Variants in ZC3H7A observed in about 807,000 individuals in gnomAD.
ZC3H7A encodes the protein zinc finger CCCH domain-containing protein 7A.
Under a neutral mutation model 125.5 loss-of-function variants are expected in ZC3H7A, and 44 were observed. The observed-to-expected ratio is 0.35, with a 90% CI of 0.28 to 0.45. The LOEUF is 0.45. ZC3H7A is among the 20% of genes least tolerant of loss of function. The probability of loss-of-function intolerance (pLI) is 1.00; values close to 1 mark genes in which losing one functional copy is unlikely to be tolerated. For missense variants in ZC3H7A, 977 were observed against 1,170.7 expected (o/e 0.83, Z 2.41); for synonymous variants, 399 against 391.2 (o/e 1.02, Z -0.23).
chr16:11,776,781 A>G lies in ZC3H7A; in HGVS notation c.435T>C (p.Ala145=), dbSNP rs1275694625. 4 of 1,612,124 alleles carry G rather than the reference A, an allele frequency of 2.5e-6. No individual in the cohort carries two copies. The highest frequency in any genetic ancestry group is 2.5e-6 in the Non-Finnish European group (3 of 1,179,420). The change falls in exon 5 of 23, where the codon GCT becomes GCC. Residue 145 remains alanine (A), a synonymous_variant. Coordinates refer to ENST00000355758, the MANE Select transcript of ZC3H7A (RefSeq NM_014153.4). ...DLGRYKKAYD[A]VAKCSLAVPQ... is the part of the protein sequence containing the mutation. ...GCACTGCTAAGGAGCACTTTGCTAC[A>G]GCATCGTAAGCCTTTTTGTATCTTC...
Position 11,769,034 on chromosome 16 carries a change from TA to T in ZC3H7A, c.1169del (p.Leu390TyrfsTer3). On this transcript the variant is annotated frameshift_variant, in exon 11 of 23. Transcript: ENST00000355758. LOFTEE classifies it high-confidence loss of function. ...CAAAAGAGGAAGTGGCACTTACAAGTAAAAGGGAAGAATTACTGTTGTTAAG... is the reference window on the plus strand; with the variant it reads ...CAAAAGAGGAAGTGGCACTTACAAGTAAAGGGAAGAATTACTGTTGTTAAG... ...TPLNNSNSSL[L>X]LMNGPGSLFA... 1 of 1,607,156 alleles carries T rather than the reference TA, an allele frequency of 6.2e-7. No homozygotes were observed. The highest frequency in any genetic ancestry group is 8.5e-7 in the Non-Finnish European group (1 of 1,177,602).
At chr16:11,778,084 C>G (rs754199292) in intron 4 of ZC3H7A, among the ~76,000 whole-genome samples, 24 of 151,028 alleles carry the variant, frequency 1.6e-4, no homozygotes, top group Non-Finnish European at 2.2e-4. Context: ...AGCTTTTAAG[C>G]TTAAAAATGT....
chr16:11,766,951 T>A (rs1490854148), intron 13 of ZC3H7A, among the ~76,000 whole-genome samples: 1 of 152,318 alleles, frequency 6.6e-6, no homozygotes, highest in East Asian at 1.9e-4. Flanking sequence ...TCCAAGGAAC[T>A]TGCTATTAGC....
intron 16 of ZC3H7A, chr16:11,763,160 C>A: frequency 4.1e-6 from 1 of 245,008 alleles, no homozygotes; most frequent in Non-Finnish European, 7.8e-6. Context: ...CAGACTGGAG[C>A]GTAGTGTTGT....
intron 11 of ZC3H7A, among the ~76,000 whole-genome samples, chr16:11,768,812 C>G (rs2052915720): frequency 6.6e-6 from 1 of 152,124 alleles, no homozygotes; most frequent in African/African-American, 2.4e-5. Flanking sequence ...GCTAAAGCCT[C>G]TTACATTGTC....
Position 11,780,588 on chromosome 16 carries a change from A to G in ZC3H7A, c.108+837T>C, listed in dbSNP as rs1465596156. ...CTATTAACAAAACTCGTGACATGCC[A>G]CTTAACATCTTTAGACCCCAGGTCC... On this transcript the variant is annotated intron_variant, in intron 3 of 22. Transcript: ENST00000355758. Among the ~76,000 whole-genome samples, 3 of 152,218 alleles carry G rather than the reference A, an allele frequency of 2.0e-5. No individual in the cohort carries two copies. In the East Asian group the frequency reaches 5.8e-4, roughly 29 times the overall value.
rs1297202349 is a variant in ZC3H7A at position 11,773,372 on chromosome 16, T to G, written c.903+864A>C. Among the ~76,000 whole-genome samples, 8 of 151,934 alleles carry G rather than the reference T, an allele frequency of 5.3e-5. 1 individual carries two copies. Among genetic ancestry groups the G allele is most frequent in the African/African-American group, 1.9e-4 (8 of 41,180 alleles). ...TTTAATTTTTTGTAGAGATGTGCCC[T>G]TGCTATGGTTACCCAGGCTAGTTTC... On this transcript the variant is annotated intron_variant, in intron 9 of 22. Transcript: ENST00000355758.
At chr16:11,754,223 T>C (rs1597529342) in intron 21 of ZC3H7A, among the ~76,000 whole-genome samples, 1 of 138,310 alleles carries the variant, frequency 7.2e-6, no homozygotes, top group Non-Finnish European at 1.5e-5. Context: ...GCCCAGGAGG[T>C]AGTGGCTGCA....
intron 21 of ZC3H7A, chr16:11,753,128 G>A (rs1404598810): frequency 6.2e-6 from 2 of 320,196 alleles, no homozygotes; most frequent in East Asian, 6.6e-5. Flanking sequence ...AGGATTCAGG[G>A]AAGAACTAAC....
chr16:11,764,844 G>C lies in ZC3H7A; in HGVS notation c.1820+209C>G, dbSNP rs182188303. ...TCATGAGAAACTATACATCAATAATGCTTTTCTGTTTTACATAATATATTT... is the reference window on the plus strand; with the variant it reads ...TCATGAGAAACTATACATCAATAATCCTTTTCTGTTTTACATAATATATTT... On this transcript the variant is annotated intron_variant, in intron 15 of 22. Transcript: ENST00000355758. 2.0e-5 allele frequency: 8 copies of C among 409,848 alleles called. No individual in the cohort carries two copies. The Admixed American group carries it at 2.3e-4, about 12-fold the overall frequency. 25.4% of individuals were successfully genotyped at this position (409,848 alleles called of 1,614,324 possible).
intron 19 of ZC3H7A, among the ~76,000 whole-genome samples, chr16:11,760,225 T>C (rs1315336498): frequency 6.6e-6 from 1 of 150,888 alleles, no homozygotes; most frequent in Non-Finnish European, 1.5e-5. Flanking sequence ...TGCACAGTAG[T>C]ACACCATGTT....
At position 11,756,243 on chromosome 16, in the gene ZC3H7A, T is replaced by G. The variant is rs1448974302; in HGVS notation, c.2556A>C (p.Glu852Asp). ...AATGACGCACGGTACTCACTGTAAC[T>G]TCAGCATAATCTGTTGGCATGTGAA... ...KQIHMPTDYAEVTVDFHCWMC... is the reference protein window; with the variant it reads ...KQIHMPTDYADVTVDFHCWMC... Residue 852 changes from glutamate to aspartate, a missense_variant, in exon 21 of 23, where the codon GAA becomes GAC. Physicochemically the swap from Glu to Asp is conservative, Grantham distance 45 (BLOSUM62 2). Around this residue, in one of 3 missense-constraint regions of ZC3H7A, gnomAD observed 436 missense variants for 603.2 expected, o/e 0.72. Transcript: ENST00000355758. 8.1e-6 allele frequency: 13 copies of G among 1,613,566 alleles called. No homozygotes were observed. Among genetic ancestry groups the G allele is most frequent in the Non-Finnish European group, 1.1e-5 (13 of 1,179,850 alleles).
At chr16:11,754,578 A>G (rs2052607244) in intron 21 of ZC3H7A, among the ~76,000 whole-genome samples, 1 of 151,998 alleles carries the variant, frequency 6.6e-6, no homozygotes, top group South Asian at 2.1e-4. Context: ...AACCACATCA[A>G]GTGGAACTAT....
chr16:11,757,653 T>C (rs923460909), intron 20 of ZC3H7A, among the ~76,000 whole-genome samples: 1 of 152,146 alleles, frequency 6.6e-6, no homozygotes. Flanking sequence ...TGCTTCTTCC[T>C]TAAGACCAGT....
Position 11,767,490 on chromosome 16 carries a change from T to C in ZC3H7A, c.1449A>G (p.Glu483=), listed in dbSNP as rs752605926. ...GACGTATTTTTTTCCATGATTTATCTTCAACATTCTTTATCCTACCGATTA... is the reference window on the plus strand; with the variant it reads ...GACGTATTTTTTTCCATGATTTATCCTCAACATTCTTTATCCTACCGATTA... ...DILIGRIKNV[E]DKSWKKIRPR... The change falls in exon 13 of 23, where the codon GAA becomes GAG. Residue 483 remains glutamate, a synonymous_variant. Transcript: ENST00000355758. 1 of 1,612,664 alleles carries C rather than the reference T, an allele frequency of 6.2e-7. No individual in the cohort carries two copies. The highest frequency in any genetic ancestry group is 1.7e-5 in the Admixed American group (1 of 59,916).
intron 8 of ZC3H7A, 123 bp downstream of exon 8, chr16:11,774,857 A>G (rs1596393635): frequency 5.1e-6 from 6 of 1,178,430 alleles, no homozygotes; most frequent in Non-Finnish European, 7.3e-6. Flanking sequence ...TTTCACTTTC[A>G]TATTAATACA....
chr16:11,776,088 G>A (rs2053075299), intron 7 of ZC3H7A, among the ~76,000 whole-genome samples: 1 of 152,148 alleles, frequency 6.6e-6, no homozygotes, highest in Non-Finnish European at 1.5e-5. Context: ...TTGAGCCCAG[G>A]AGGTGGAGGT....
intron 10 of ZC3H7A, among the ~76,000 whole-genome samples, chr16:11,770,080 C>A (rs1225556716): frequency 6.6e-6 from 1 of 152,054 alleles, no homozygotes; most frequent in Non-Finnish European, 1.5e-5. Flanking sequence ...AGCCACCACA[C>A]CCAGCCTACT....
chr16:11,752,936 C>G lies in ZC3H7A; in HGVS notation c.2563-104G>C, dbSNP rs2052576741. Reference sequence around the variant, plus strand: ...TGGGAGAGCCAGGCAAGACATAAAACTCAGGTTAGAAATAGGGACAAGGAA... The same window carrying G: ...TGGGAGAGCCAGGCAAGACATAAAAGTCAGGTTAGAAATAGGGACAAGGAA... On this transcript the variant is annotated intron_variant, in intron 21 of 22. Coordinates refer to ENST00000355758, the MANE Select transcript of ZC3H7A (RefSeq NM_014153.4). 2.8e-6 allele frequency: 4 copies of G among 1,447,984 alleles called. No individual in the cohort carries two copies. The African/African-American group carries it at 5.7e-5, about 21-fold the overall frequency. 89.7% of individuals were successfully genotyped at this position (1,447,984 alleles called of 1,614,324 possible).
Sources: gnomAD v4.1 joint callset for allele counts (sites outside exome capture counted in the v4.1 genomes callset) on GRCh38, gnomAD v4.1.1 for gene constraint, gnomAD v4.1.1 regional missense constraint, MANE v1.5 for transcripts, NCBI Gene and HGNC (gene_info 2026-07-23, HGNC 2026-07-21) for gene names.